ANKRD30A: variants seen among roughly 807,000 people sequenced by gnomAD.
The protein encoded by ANKRD30A is ankyrin repeat domain 30A, also known as ankyrin repeat domain-containing protein 30A.
Under a neutral mutation model 166.3 loss-of-function variants are expected in ANKRD30A, and 170 were observed. The ratio of observed to expected loss-of-function variants is 1.02; its 90% CI spans 0.90 to 1.16. The LOEUF is 1.16. ANKRD30A is among the 50% of genes most tolerant of loss of function. The pLI is 0.00. For missense variants in ANKRD30A, 1,630 were observed against 1,518.0 expected (o/e 1.07, Z -1.23); for synonymous variants, 564 against 508.9 (o/e 1.11, Z -1.46).
rs544690744 is a variant in ANKRD30A, at chr10:37,157,709, TG to T, written c.1799-682del. 1.2e-3 allele frequency among the ~76,000 whole-genome samples: 181 copies of T among 152,248 alleles called. 3 individuals carry two copies. In the East Asian group the frequency reaches 0.034, roughly 28 times the overall value. ...GTTGATGGGTACGCTTGGACCTTTT[TG>T]TATAAGTGGATCAGGAAATTTTAAG... On this transcript the variant is annotated intron_variant, in intron 13 of 35. Coordinates refer to ENST00000361713, the MANE Select transcript of ANKRD30A (RefSeq NM_052997.3).
intron 27 of ANKRD30A, among the ~76,000 whole-genome samples, chr10:37,194,155 A>T (rs956902119): frequency 4.6e-5 from 7 of 152,034 alleles, no homozygotes; most frequent in African/African-American, 1.2e-4. Flanking sequence ...AGCTTGTGCC[A>T]CTTTAGCCTG....
At chr10:37,149,946 A>G (rs1837796956) in intron 11 of ANKRD30A, 97 bp downstream of exon 11, 10 of 1,510,842 alleles carry the variant, frequency 6.6e-6, no homozygotes, top group Non-Finnish European at 9.0e-6. Context: ...TTCAACTTTG[A>G]TGAAAACATT....
In ANKRD30A at chr10:37,142,224, G is replaced by T. The variant is rs867083254; in HGVS notation, c.1327G>T (p.Glu443Ter). The T allele has an allele frequency of 6.2e-7, 1 of 1,606,734 alleles. No homozygotes were observed. Among genetic ancestry groups the T allele is most frequent in the South Asian group, 1.1e-5 (1 of 89,042 alleles). Reference sequence around the variant, plus strand: ...AACATCTAATAAAACTAAAGTTTTGGAAAAAGGAAGATCTAAGATGATTGC... The same window carrying T: ...AACATCTAATAAAACTAAAGTTTTGTAAAAAGGAAGATCTAAGATGATTGC... ...RVTSNKTKVLEKGRSKMIACP... is the reference protein window; with the variant it reads ...RVTSNKTKVL The change falls in exon 7 of 36, where the codon GAA becomes TAA. Residue 443 changes from glutamate (E) to a stop codon, truncating the protein, a stop_gained. Transcript: ENST00000361713. LOFTEE classifies it high-confidence loss of function.
chr10:37,156,267 C>T (rs1044291362), intron 13 of ANKRD30A, among the ~76,000 whole-genome samples: 213 of 152,140 alleles, frequency 1.4e-3, no homozygotes, highest in African/African-American at 5.0e-3. Flanking sequence ...TACGTACAGC[C>T]ATACATTTCA....
intron 27 of ANKRD30A, among the ~76,000 whole-genome samples, chr10:37,196,888 A>G (rs906995038): frequency 2.6e-5 from 4 of 152,198 alleles, no homozygotes; most frequent in South Asian, 2.1e-4. Flanking sequence ...AACTCTCATC[A>G]TAACCATGTA....
the ANKRD30A span, among the ~76,000 whole-genome samples, chr10:37,260,730 A>C: frequency 2.0e-5 from 3 of 152,216 alleles, no homozygotes; most frequent in Non-Finnish European, 4.4e-5. Context: ...TACTGGTTGG[A>C]AATTTGGACA....
At position 37,147,645 on chromosome 10, in the gene ANKRD30A, A is replaced by T. The variant is rs74135268; in HGVS notation, c.1543+188A>T. Among the ~76,000 whole-genome samples, 1,519 of 152,328 alleles carry T rather than the reference A, an allele frequency of 1.0e-2. 26 individuals are homozygous for T. The highest frequency in any genetic ancestry group is 0.034 in the African/African-American group (1,433 of 41,582). ...CAGGAATATGTAGAGAGTGCAAAAA[A>T]AACAACCGAATTATTTGTTTGAATC... On this transcript the variant is annotated intron_variant, in intron 9 of 35. Transcript: ENST00000361713.
chr10:37,197,584 G>A (rs78954748), intron 29 of ANKRD30A, 104 bp downstream of exon 29: 1 of 1,550,360 alleles, frequency 6.5e-7, no homozygotes, highest in East Asian at 2.3e-5. Flanking sequence ...TTGATGATAA[G>A]TTTTGATCTA....
intron 1 of ANKRD30A, among the ~76,000 whole-genome samples, chr10:37,128,869 C>T (rs189656496): frequency 6.4e-4 from 97 of 152,094 alleles, no homozygotes; most frequent in African/African-American, 2.2e-3. Flanking sequence ...AACTACCAAC[C>T]GTGATTTTGG....
At chr10:37,184,151 G>T (rs1248985470) in intron 24 of ANKRD30A, among the ~76,000 whole-genome samples, 4 of 148,230 alleles carry the variant, frequency 2.7e-5, no homozygotes, top group African/African-American at 4.9e-5. Flanking sequence ...AGACATAACA[G>T]GGTCAAGAGA....
chr10:37,253,136 C>T, the ANKRD30A span, among the ~76,000 whole-genome samples: 14 of 152,204 alleles, frequency 9.2e-5, no homozygotes, highest in African/African-American at 2.9e-4. Flanking sequence ...CGAAGGCACA[C>T]GTTTCCACCT....
chr10:37,213,291 G>A (rs1445923372), intron 31 of ANKRD30A, among the ~76,000 whole-genome samples: 3 of 151,704 alleles, frequency 2.0e-5, no homozygotes, highest in East Asian at 1.9e-4. Flanking sequence ...ATGATTCATC[G>A]ATGCACTGTT....
At chr10:37,254,939 C>A in the ANKRD30A span, among the ~76,000 whole-genome samples, 1 of 152,074 alleles carries the variant, frequency 6.6e-6, no homozygotes, top group Non-Finnish European at 1.5e-5. Context: ...ACCTCAGCCT[C>A]CCAAAGTTCT....
At chr10:37,232,682 AT>A (rs1564604641), downstream of ANKRD30A, 18 of 8,056 alleles carry the variant, frequency 2.2e-3, no homozygotes, top group Admixed American at 0.033. Flanking sequence ...ATATATATAT[AT>A]ATATATATAT....
At chr10:37,194,485 C>T (rs1490062816) in intron 27 of ANKRD30A, among the ~76,000 whole-genome samples, 3 of 151,906 alleles carry the variant, frequency 2.0e-5, no homozygotes, top group Non-Finnish European at 2.9e-5. Context: ...GGACTCCAGG[C>T]GCGTGCCACC....
intron 27 of ANKRD30A, among the ~76,000 whole-genome samples, chr10:37,194,631 C>T (rs1840913351): frequency 6.6e-6 from 1 of 152,150 alleles, no homozygotes; most frequent in Admixed American, 6.5e-5. Flanking sequence ...AGGCGTGAGG[C>T]ACCGTGCCCG....
In ANKRD30A at chr10:37,141,982, C is replaced by T. The variant is rs200193852; in HGVS notation, c.1085C>T (p.Thr362Met). 97 of 1,614,068 alleles carry T rather than the reference C, an allele frequency of 6.0e-5. No individual in the cohort carries two copies. In the African/African-American group the frequency reaches 1.1e-3, roughly 19 times the overall value. The change falls in exon 7 of 36, where the codon ACG (threonine) becomes ATG (methionine). Residue 362 changes from threonine to methionine, a missense_variant. By Grantham distance (81) the Thr-to-Met change is moderately conservative (BLOSUM62 -1). Around this residue, in one of 4 missense-constraint regions of ANKRD30A, gnomAD observed 904 missense variants for 818.5 expected, o/e 1.10. Coordinates refer to ENST00000361713, the MANE Select transcript of ANKRD30A (RefSeq NM_052997.3). ...GCAGAAGAAACACCTAGGGAAATTA[C>T]GAGTCCTGCAAAAGAAACATCTGAG... The part of the protein sequence containing the change: ...QSAEETPREI[T>M]SPAKETSEKF...
chr10:37,125,821 G>C lies in ANKRD30A; in HGVS notation c.34G>C (p.Val12Leu), dbSNP rs537429537. The C allele has an allele frequency of 5.9e-6, 5 of 853,124 alleles. No homozygotes were observed. The highest frequency in any genetic ancestry group is 1.6e-5 in the South Asian group (1 of 62,304). 52.8% of individuals were successfully genotyped at this position (853,124 alleles called of 1,614,324 possible). ...EEISAAAVKV[V>L]PGPERPSPFS... ...GATCTCTGCCGCCGCTGTCAAGGTC[G>C]TGCCGGGCCCGGAGCGCCCGAGCCC... The change falls in exon 1 of 36, where the codon GTG (valine) becomes CTG (leucine). Residue 12 changes from valine to leucine, a missense_variant. By Grantham distance (32) the Val-to-Leu change is conservative. Transcript: ENST00000361713.
chr10:37,160,440 G>A (rs1452367724), intron 15 of ANKRD30A, among the ~76,000 whole-genome samples: 5 of 152,042 alleles, frequency 3.3e-5, no homozygotes, highest in African/African-American at 1.2e-4. Context: ...AACATTATGT[G>A]AACTATTAGG....
Sources: gnomAD v4.1 joint callset for allele counts (sites outside exome capture counted in the v4.1 genomes callset) on GRCh38, gnomAD v4.1.1 for gene constraint, gnomAD v4.1.1 regional missense constraint, MANE v1.5 for transcripts, NCBI Gene and HGNC (gene_info 2026-07-23, HGNC 2026-07-21) for gene names.